The following PAX5 variants were observed in gnomAD, a reference collection of about 807,000 sequenced individuals.
PAX5 encodes paired box 5.
A neutral mutation model predicts 43.7 loss-of-function variants in PAX5; 9 were observed. The ratio of observed to expected loss-of-function variants is 0.21; its 90% CI spans 0.12 to 0.36. The LOEUF is 0.36. Ranked by LOEUF, PAX5 falls within the 10% of genes least tolerant of loss-of-function variation. The pLI, the probability that PAX5 is intolerant of heterozygous loss-of-function variation, is 1.00. For synonymous variants in PAX5, 228 were observed against 214.3 expected, an observed-to-expected ratio of 1.06 and a Z score of -0.56; for missense variants, 383 against 532.7, an observed-to-expected ratio of 0.72 and a Z score of 2.77.
chr9:36,941,749 C>T (rs1342779725), intron 6 of PAX5, among the ~76,000 whole-genome samples: 2 of 130,868 alleles, frequency 1.5e-5, no homozygotes, highest in African/African-American at 5.9e-5. Context: ...GGTCACGTCA[C>T]AGGGAATGGG....
intron 7 of PAX5, among the ~76,000 whole-genome samples, chr9:36,905,381 T>C (rs375313185): frequency 6.6e-6 from 1 of 152,234 alleles, no homozygotes; most frequent in Non-Finnish European, 1.5e-5. Context: ...TAATTCCCAC[T>C]GGGCAGACGG....
At chr9:36,923,509 CAGCACCA>C in intron 6 of PAX5, 25 bp from the exon 7 acceptor site, 1 of 1,597,278 alleles carries the variant, frequency 6.3e-7, no homozygotes, top group Non-Finnish European at 8.5e-7. Context: ...AGAGACGTCT[CAGCACCA>C]AGACTCCACA....
At chr9:36,873,476 G>A (rs1296302832) in intron 8 of PAX5, among the ~76,000 whole-genome samples, 1 of 152,248 alleles carries the variant, frequency 6.6e-6, no homozygotes, top group African/African-American at 2.4e-5. Flanking sequence ...CCAGAGGGCA[G>A]CAAAGAGTCA....
rs10973098 is a variant in PAX5 at position 36,835,442 on chromosome 9, T to C, written c.*5118A>G. ...CACAGCCTGGCCTCTGCAGAGGCCC[T>C]TGGGACCTGGCGCCACACGAGGTGC... On this transcript the variant is annotated 3_prime_UTR_variant, in exon 10 of 10. Coordinates refer to ENST00000358127, the MANE Select transcript of PAX5 (RefSeq NM_016734.3). 7,539 of 230,672 alleles carry C rather than the reference T, an allele frequency of 0.033. 550 individuals carry two copies. The highest frequency in any genetic ancestry group is 0.15 in the African/African-American group (6,855 of 45,286). The allele number at this position is 230,672 out of a possible 1,614,324, so 14.3% of individuals were successfully genotyped here. A position where few individuals can be genotyped will look rare whatever the true frequency, so the allele number is the denominator to read the frequency against.
chr9:36,900,489 A>G (rs923050346), intron 7 of PAX5, among the ~76,000 whole-genome samples: 2 of 151,976 alleles, frequency 1.3e-5, no homozygotes, highest in Non-Finnish European at 2.9e-5. Flanking sequence ...GAGCATCTTA[A>G]CATCCTTAGA....
At chr9:36,845,424 T>C (rs549713559) in intron 9 of PAX5, among the ~76,000 whole-genome samples, 3 of 152,318 alleles carry the variant, frequency 2.0e-5, no homozygotes, top group Admixed American at 2.0e-4. Flanking sequence ...AGCGGATATC[T>C]TGGTTCGATA....
At chr9:36,964,855 C>T (rs1045562119) in intron 6 of PAX5, among the ~76,000 whole-genome samples, 1 of 152,170 alleles carries the variant, frequency 6.6e-6, no homozygotes, top group Non-Finnish European at 1.5e-5. Context: ...TCCTACCCAA[C>T]AGAGGTGTCA....
chr9:36,999,908 C>A (rs147924704), intron 5 of PAX5, among the ~76,000 whole-genome samples: 1 of 152,072 alleles, frequency 6.6e-6, no homozygotes, highest in Non-Finnish European at 1.5e-5. Context: ...CCATACTGGC[C>A]CCAGGCTCTG....
intron 5 of PAX5, 151 bp downstream of exon 5, chr9:37,002,497 T>C: frequency 1.3e-6 from 1 of 791,196 alleles, no homozygotes; most frequent in Non-Finnish European, 2.0e-6. Context: ...CTTTCCCGTG[T>C]TCACGAAAAG....
At chr9:37,026,555 G>A in intron 1 of PAX5, 1 of 1,336,738 alleles carries the variant, frequency 7.5e-7, no homozygotes, top group Non-Finnish European at 9.8e-7. Context: ...CAAACGGGTC[G>A]TGCTTACAGT....
At chr9:37,029,642 AG>A (rs1840773405) in intron 1 of PAX5, among the ~76,000 whole-genome samples, 1 of 152,186 alleles carries the variant, frequency 6.6e-6, no homozygotes, top group African/African-American at 2.4e-5. Context: ...ACCAGAATTC[AG>A]ATCCTCGGCC....
intron 7 of PAX5, among the ~76,000 whole-genome samples, chr9:36,901,152 G>A (rs1287206041): frequency 6.6e-6 from 1 of 152,030 alleles, no homozygotes; most frequent in East Asian, 1.9e-4. Context: ...GATTCCCCTG[G>A]AGAGTCGACT....
rs1050471668 is a variant in PAX5, at chr9:36,833,851, G to T, written c.*6709C>A. The T allele has an allele frequency of 4.5e-5, 10 of 219,812 alleles. No homozygotes were observed. The highest frequency in any genetic ancestry group is 2.5e-4 in the East Asian group (4 of 15,962). 13.6% of individuals were successfully genotyped at this position (219,812 alleles called of 1,614,324 possible). A position where few individuals can be genotyped will look rare whatever the true frequency, so the allele number is the denominator to read the frequency against. Reference sequence around the variant, plus strand: ...AATTCAATTGTGGTTTTTGTTGTTGGTTTTTTTGTATTTTTTTGTATTTTT... The same window carrying T: ...AATTCAATTGTGGTTTTTGTTGTTGTTTTTTTTGTATTTTTTTGTATTTTT... On this transcript the variant is annotated 3_prime_UTR_variant, in exon 10 of 10. Coordinates refer to ENST00000358127, the MANE Select transcript of PAX5 (RefSeq NM_016734.3).
At chr9:37,026,384 C>G (rs1275473979) in intron 1 of PAX5, 1 of 632,292 alleles carries the variant, frequency 1.6e-6, no homozygotes, top group Non-Finnish European at 2.3e-6. Flanking sequence ...GTTTCAGGTC[C>G]CCTGCCTGGG....
chr9:36,902,095 C>A (rs1306284695), intron 7 of PAX5, among the ~76,000 whole-genome samples: 10 of 152,106 alleles, frequency 6.6e-5, no homozygotes, highest in Admixed American at 3.3e-4. Flanking sequence ...CCTATCCCCC[C>A]TCCCAAAACA....
In PAX5 at chr9:36,843,138, G is replaced by C. The variant is rs1029705028; in HGVS notation, c.1100-2502C>G. 5.3e-5 allele frequency among the ~76,000 whole-genome samples: 8 copies of C among 152,004 alleles called. No individual in the cohort carries two copies. In the East Asian group the frequency reaches 1.5e-3, roughly 29 times the overall value. Reference sequence around the variant, plus strand: ...TGAGTGTGAGCGTGCGTCTGTGTGTGTGTGCATGTGTGTGTGTAGGGTTCT... The same window carrying C: ...TGAGTGTGAGCGTGCGTCTGTGTGTCTGTGCATGTGTGTGTGTAGGGTTCT... On this transcript the variant is annotated intron_variant, in intron 9 of 9. Coordinates refer to ENST00000358127, the MANE Select transcript of PAX5 (RefSeq NM_016734.3).
At chr9:36,979,849 A>G (rs1206502932) in intron 5 of PAX5, among the ~76,000 whole-genome samples, 1 of 152,182 alleles carries the variant, frequency 6.6e-6, no homozygotes, top group Non-Finnish European at 1.5e-5. Flanking sequence ...TGGAGCTTGG[A>G]GTGGATTCCA....
At chr9:36,928,917 C>T (rs1343935065) in intron 6 of PAX5, among the ~76,000 whole-genome samples, 1 of 152,132 alleles carries the variant, frequency 6.6e-6, no homozygotes, top group Non-Finnish European at 1.5e-5. Flanking sequence ...AAAGTGTTTC[C>T]CCTGGTGAGT....
chr9:37,034,157 A>G lies in PAX5; in HGVS notation c.-126T>C, dbSNP rs1841312337. The G allele has an allele frequency of 1.6e-6, 1 of 617,906 alleles. No individual in the cohort carries two copies. The highest frequency in any genetic ancestry group is 3.2e-5 in the Admixed American group (1 of 31,438). 38.3% of individuals were successfully genotyped at this position (617,906 alleles called of 1,614,324 possible). A position where few individuals can be genotyped will look rare whatever the true frequency, so the allele number is the denominator to read the frequency against. On this transcript the variant is annotated 5_prime_UTR_variant, in exon 1 of 10. Coordinates refer to ENST00000358127, the MANE Select transcript of PAX5 (RefSeq NM_016734.3). ...CAGGGGCCGCTCACAGGTCGGAATA[A>G]TTCAAGCCTTCCGCTCCCCCGCCGA...
Sources: allele counts gnomAD v4.1 joint callset (sites outside exome capture counted in the v4.1 genomes callset), GRCh38; gene constraint gnomAD v4.1.1; transcripts MANE v1.5; gene names NCBI Gene and HGNC (gene_info 2026-07-23, HGNC 2026-07-21).